The following NAALADL2 variants were observed in gnomAD, a reference collection of about 807,000 sequenced individuals.
NAALADL2 encodes the protein inactive N-acetylated-alpha-linked acidic dipeptidase-like protein 2.
Under a neutral mutation model 87.2 loss-of-function variants are expected in NAALADL2, and 76 were observed. The observed-to-expected ratio is 0.87, with a 90% confidence interval of 0.72 to 1.05. The LOEUF is 1.05. Ranked by LOEUF, NAALADL2 falls within the 50% of genes least tolerant of loss-of-function variation. NAALADL2 has a pLI of 0.00. For synonymous variants in NAALADL2, 354 were observed against 331.0 expected (o/e 1.07, Z -0.75); for missense variants, 1,089 against 945.8 (o/e 1.15, Z -1.99).
At chr3:175,420,467 A>C (rs1171738629) in intron 5 of NAALADL2, among the ~76,000 whole-genome samples, 1 of 152,068 alleles carries the variant, frequency 6.6e-6, no homozygotes, top group Non-Finnish European at 1.5e-5. Flanking sequence ...GTAAGGTGAT[A>C]GACCTACAGT....
At chr3:174,626,162 T>C (rs937717885) in intron 2 of NAALADL2, among the ~76,000 whole-genome samples, 11 of 151,750 alleles carry the variant, frequency 7.2e-5, no homozygotes, top group African/African-American at 2.7e-4. Context: ...TGTAATTTAC[T>C]ATCCAATTTC....
chr3:175,405,518 T>G (rs900453705), intron 5 of NAALADL2, among the ~76,000 whole-genome samples: 6 of 152,190 alleles, frequency 3.9e-5, no homozygotes, highest in Non-Finnish European at 8.8e-5. Context: ...ATTATTAATG[T>G]TATTTAAAAA....
intron 1 of NAALADL2, among the ~76,000 whole-genome samples, chr3:174,974,792 CAG>C (rs535237134): frequency 6.6e-6 from 1 of 151,522 alleles, no homozygotes; most frequent in African/African-American, 2.4e-5. Flanking sequence ...TGGTGGGAGA[CAG>C]AGAGAAAGAG....
intron 3 of NAALADL2, among the ~76,000 whole-genome samples, chr3:174,825,461 C>G (rs1721873356): frequency 6.6e-6 from 1 of 152,174 alleles, no homozygotes; most frequent in African/African-American, 2.4e-5. Flanking sequence ...TCTATCTAGG[C>G]CCTGGATGGA....
intron 1 of NAALADL2, among the ~76,000 whole-genome samples, chr3:174,472,802 A>C (rs1204659675): frequency 6.6e-6 from 1 of 152,164 alleles, no homozygotes; most frequent in Non-Finnish European, 1.5e-5. Flanking sequence ...GTTGCCTCTC[A>C]CTGTGGACTG....
At chr3:174,741,616 A>G (rs1024376574) in intron 3 of NAALADL2, among the ~76,000 whole-genome samples, 2 of 151,662 alleles carry the variant, frequency 1.3e-5, no homozygotes, top group Non-Finnish European at 3.0e-5. Flanking sequence ...CAATATTCAT[A>G]TAGTGAATAA....
chr3:175,624,838 T>C (rs1193737527), intron 10 of NAALADL2, among the ~76,000 whole-genome samples: 3 of 152,050 alleles, frequency 2.0e-5, no homozygotes, highest in African/African-American at 7.2e-5. Context: ...ATTGGCATTA[T>C]AATTAATTAC....
intron 4 of NAALADL2, among the ~76,000 whole-genome samples, chr3:175,305,250 ATGTG>A (rs66513736): frequency 0.25 from 37,407 of 148,586 alleles, 4,683 homozygotes; most frequent in Middle Eastern, 0.26. Flanking sequence ...GTGTTTGTGT[ATGTG>A]TGTGTGTGTG....
chr3:175,258,241 G>C (rs1328639743), intron 4 of NAALADL2, among the ~76,000 whole-genome samples: 1 of 145,164 alleles, frequency 6.9e-6, no homozygotes. Context: ...CCGGGAGGCA[G>C]AACTTGCAAT....
chr3:175,256,597 C>G, intron 4 of NAALADL2, 67 bp downstream of exon 4: 1 of 1,512,590 alleles, frequency 6.6e-7, no homozygotes, highest in Non-Finnish European at 9.0e-7. Flanking sequence ...GAATTATATG[C>G]TTTTGTGAGT....
intron 2 of NAALADL2, among the ~76,000 whole-genome samples, chr3:174,572,246 T>C (rs1273068113): frequency 6.6e-6 from 1 of 152,074 alleles, no homozygotes; most frequent in Non-Finnish European, 1.5e-5. Context: ...CACTTCAGTT[T>C]CCCAAGTAAC....
intron 10 of NAALADL2, among the ~76,000 whole-genome samples, chr3:175,599,319 T>G (rs1722650685): frequency 1.3e-5 from 2 of 152,144 alleles, no homozygotes; most frequent in Non-Finnish European, 2.9e-5. Context: ...ACAAAGGTTA[T>G]CATTATAATT....
intron 4 of NAALADL2, among the ~76,000 whole-genome samples, chr3:175,272,201 A>G (rs561662272): frequency 1.3e-5 from 2 of 152,310 alleles, no homozygotes; most frequent in South Asian, 2.1e-4. Context: ...AAGAGAGAAG[A>G]TGTTAGACAT....
At chr3:175,238,875 A>C (rs1288361196) in intron 3 of NAALADL2, among the ~76,000 whole-genome samples, 1 of 152,126 alleles carries the variant, frequency 6.6e-6, no homozygotes, top group Non-Finnish European at 1.5e-5. Context: ...AGCCATTAAC[A>C]AGTTCTTAAA....
chr3:175,778,979 G>GACTC (rs1226081052), intron 13 of NAALADL2, among the ~76,000 whole-genome samples: 1 of 152,084 alleles, frequency 6.6e-6, no homozygotes, highest in Non-Finnish European at 1.5e-5. Context: ...AAAAAATGAA[G>GACTC]ACTCAAAGAA....
At chr3:175,239,804 C>T (rs547514871) in intron 3 of NAALADL2, among the ~76,000 whole-genome samples, 3 of 152,240 alleles carry the variant, frequency 2.0e-5, no homozygotes, top group Admixed American at 6.5e-5. Flanking sequence ...CAATTCTGTA[C>T]GACTCAGTGT....
At chr3:174,519,462 G>T (rs538479769) in intron 1 of NAALADL2, among the ~76,000 whole-genome samples, 1 of 151,536 alleles carries the variant, frequency 6.6e-6, no homozygotes, top group East Asian at 2.0e-4. Context: ...ACGAATAGCT[G>T]GGATTATTAT....
At chr3:175,533,153 A>G (rs1008287217) in intron 9 of NAALADL2, among the ~76,000 whole-genome samples, 21 of 152,206 alleles carry the variant, frequency 1.4e-4, no homozygotes, top group Admixed American at 7.2e-4. Context: ...GGCCCAAATC[A>G]ATAAATTTAG....
At chr3:174,776,284 T>C (rs1279122774) in intron 3 of NAALADL2, among the ~76,000 whole-genome samples, 3 of 152,120 alleles carry the variant, frequency 2.0e-5, no homozygotes, top group Non-Finnish European at 4.4e-5. Context: ...CCTGAGGCTG[T>C]TGAGTGACTT....
Sources: allele counts gnomAD v4.1 joint callset (sites outside exome capture counted in the v4.1 genomes callset), GRCh38; gene constraint gnomAD v4.1.1; transcripts MANE v1.5; gene names NCBI Gene and HGNC (gene_info 2026-07-23, HGNC 2026-07-21).